CEP350: variants seen among roughly 807,000 people sequenced by gnomAD.
The protein encoded by CEP350 is centrosome-associated protein 350.
Under a neutral mutation model 331.8 loss-of-function variants are expected in CEP350, and 126 were observed. The observed-to-expected ratio is 0.38, with a 90% CI of 0.33 to 0.44. The LOEUF (loss-of-function observed/expected upper bound fraction) is 0.44, where lower values mean the gene tolerates loss of function less well. Among genes scored for constraint, CEP350 ranks in the 20% least tolerant of loss-of-function variants. The probability of loss-of-function intolerance (pLI) is 1.00; values close to 1 mark genes in which losing one functional copy is unlikely to be tolerated. For missense variants in CEP350, 3,406 were observed against 3,634.6 expected (o/e 0.94, Z 1.62); for synonymous variants, 1,200 against 1,259.5 (o/e 0.95, Z 1.00).
chr1:179,960,644 A>C (rs1650538268), intron 1 of CEP350, among the ~76,000 whole-genome samples: 1 of 152,078 alleles, frequency 6.6e-6, no homozygotes, highest in Non-Finnish European at 1.5e-5. Context: ...CTGTGATAAA[A>C]AGCAAGTACT....
chr1:179,992,431 A>G (rs1412489760), intron 5 of CEP350, among the ~76,000 whole-genome samples: 1 of 152,200 alleles, frequency 6.6e-6, no homozygotes, highest in Non-Finnish European at 1.5e-5. Context: ...TCTTCTGCAG[A>G]TAAATATTCG....
At chr1:180,052,749 T>C (rs989789042) in intron 22 of CEP350, among the ~76,000 whole-genome samples, 8 of 152,170 alleles carry the variant, frequency 5.3e-5, no homozygotes, top group Non-Finnish European at 1.2e-4. Context: ...TTTTGCAACA[T>C]TAATCTTTAT....
Position 179,996,816 on chromosome 1 carries a change from G to T in CEP350, c.659G>T (p.Arg220Ile), listed in dbSNP as rs1653487346. 6.2e-7 allele frequency: 1 copy of T among 1,613,518 alleles called. No individual in the cohort carries two copies. The highest frequency in any genetic ancestry group is 8.5e-7 in the Non-Finnish European group (1 of 1,179,680). Residue 220 changes from arginine to isoleucine, a missense_variant, in exon 6 of 38, where the codon AGA (arginine) becomes ATA (isoleucine). Arg to Ile is a moderately conservative substitution (Grantham distance 97). Around this residue, in one of 5 missense-constraint regions of CEP350, gnomAD observed 1,857 missense variants for 1,909.2 expected, o/e 0.97. Coordinates refer to ENST00000367607, the MANE Select transcript of CEP350 (RefSeq NM_014810.5). ...TTGATTAGGATGGGAGCTTCTATGAGAACTGAGGAAGAAATGCCTAACAGA... is the reference window on the plus strand; with the variant it reads ...TTGATTAGGATGGGAGCTTCTATGATAACTGAGGAAGAAATGCCTAACAGA... Reference protein sequence around the residue: ...ECLIRMGASMRTEEEMPNRTK... With the variant: ...ECLIRMGASMITEEEMPNRTK...
chr1:180,041,645 A>G lies in CEP350; in HGVS notation c.4222-17A>G. ...GATTAAAACATAACTTCTTTTTTAAACCCCTTTTATTTAAAGGTCCATGCA... is the reference window on the plus strand; with the variant it reads ...GATTAAAACATAACTTCTTTTTTAAGCCCCTTTTATTTAAAGGTCCATGCA... On this transcript the variant is annotated splice_polypyrimidine_tract_variant and intron_variant, in intron 18 of 37. Transcript: ENST00000367607. The G allele has an allele frequency of 1.3e-6, 2 of 1,597,186 alleles. No individual in the cohort carries two copies. The highest frequency in any genetic ancestry group is 1.7e-6 in the Non-Finnish European group (2 of 1,172,978).
chr1:179,958,727 T>TA (rs1650359358), intron 1 of CEP350, among the ~76,000 whole-genome samples: 1 of 152,216 alleles, frequency 6.6e-6, no homozygotes, highest in Admixed American at 6.5e-5. Context: ...AGTTAGGCCC[T>TA]AAATAAGCAT....
chr1:180,095,941 T>G lies in CEP350; in HGVS notation c.8919+11T>G. 6.3e-7 allele frequency: 1 copy of G among 1,587,912 alleles called. No individual in the cohort carries two copies. The highest frequency in any genetic ancestry group is 8.6e-7 in the Non-Finnish European group (1 of 1,168,530). On this transcript the variant is annotated intron_variant, in intron 35 of 37. Transcript: ENST00000367607. ...AGGGTCTACAAACAGGTAGGTGAAATAAAAGGATAATTTTAGTTTTTAAAC... is the reference window on the plus strand; with the variant it reads ...AGGGTCTACAAACAGGTAGGTGAAAGAAAAGGATAATTTTAGTTTTTAAAC...
At chr1:180,046,328 T>G (rs1657117095) in intron 21 of CEP350, among the ~76,000 whole-genome samples, 1 of 152,228 alleles carries the variant, frequency 6.6e-6, no homozygotes, top group Non-Finnish European at 1.5e-5. Context: ...ATAAATGGCA[T>G]CATTACAGTA....
At position 179,954,847 on chromosome 1, in the gene CEP350, C is replaced by T. The variant is rs558469094; in HGVS notation, c.-309C>T. On this transcript the variant is annotated 5_prime_UTR_variant, in exon 1 of 38. It adds an upstream start codon to the 5' untranslated region. Transcript: ENST00000367607. ...GTAATGGCGACTGGGCCGCCCCTGA[C>T]GAAGTGACTCCCGGGCCGGGGAGCG... The T allele has an allele frequency of 1.6e-3, 694 of 430,316 alleles. 2 individuals carry two copies. The highest frequency in any genetic ancestry group is 2.4e-3 in the Non-Finnish European group (584 of 245,782). 26.7% of individuals were successfully genotyped at this position (430,316 alleles called of 1,614,324 possible). A position where few individuals can be genotyped will look rare whatever the true frequency, so the allele number is the denominator to read the frequency against.
chr1:180,039,272 AAGGG>A (rs1338609195), intron 17 of CEP350, among the ~76,000 whole-genome samples: 4 of 17,418 alleles, frequency 2.3e-4, no homozygotes, highest in Non-Finnish European at 5.7e-4. Flanking sequence ...GAAAGGAAGG[AAGGG>A]AGGGAGGGAG....
intron 5 of CEP350, among the ~76,000 whole-genome samples, chr1:179,995,750 C>T (rs1653415689): frequency 6.6e-6 from 1 of 152,170 alleles, no homozygotes; most frequent in South Asian, 2.1e-4. Flanking sequence ...GCCCAGCCTT[C>T]TGTGCTTACT....
At chr1:179,966,761 C>G (rs528934831) in intron 1 of CEP350, among the ~76,000 whole-genome samples, 22 of 152,270 alleles carry the variant, frequency 1.4e-4, no homozygotes, top group African/African-American at 4.8e-4. Context: ...TCTGTTGTAA[C>G]TTCCAAACCT....
chr1:179,999,267 T>G (rs1240050026), intron 6 of CEP350, among the ~76,000 whole-genome samples: 1 of 152,148 alleles, frequency 6.6e-6, no homozygotes, highest in Non-Finnish European at 1.5e-5. Flanking sequence ...TTAAAAACAA[T>G]TTTACAGAAT....
intron 37 of CEP350, among the ~76,000 whole-genome samples, 186 bp downstream of exon 37, chr1:180,099,171 G>C (rs1025718200): frequency 3.9e-5 from 6 of 152,224 alleles, no homozygotes; most frequent in East Asian, 1.9e-4. Flanking sequence ...CTCAGTAGAT[G>C]AACATTTAAC....
At chr1:180,047,141 G>GAATTCC (rs1418231667) in intron 21 of CEP350, among the ~76,000 whole-genome samples, 3 of 152,126 alleles carry the variant, frequency 2.0e-5, no homozygotes, top group Admixed American at 1.3e-4. Flanking sequence ...ACTGATTCTT[G>GAATTCC]AATTCCATAG....
intron 13 of CEP350, 79 bp from the exon 14 acceptor site, chr1:180,024,340 A>G: frequency 7.6e-7 from 1 of 1,319,824 alleles, no homozygotes; most frequent in African/African-American, 1.5e-5. Context: ...TAGTGATTAC[A>G]TAGATTTTTA....
chr1:180,070,404 CGTCACATG>C (rs1658809322), intron 27 of CEP350, among the ~76,000 whole-genome samples: 2 of 152,030 alleles, frequency 1.3e-5, no homozygotes, highest in Non-Finnish European at 2.9e-5. Context: ...TCTCATTTAA[CGTCACATG>C]GTCTAGCAGT....
At chr1:180,003,087 C>G (rs531366221) in intron 6 of CEP350, 87 bp from the exon 7 acceptor site, 3 of 799,444 alleles carry the variant, frequency 3.8e-6, no homozygotes, top group Middle Eastern at 2.3e-4. Flanking sequence ...TTATGTATGT[C>G]GATTATATAT....
Position 179,983,719 on chromosome 1 carries a change from T to C in CEP350, c.-13-2450T>C, listed in dbSNP as rs574577359. Among the ~76,000 whole-genome samples the C allele has an allele frequency of 7.4e-4, 113 of 152,350 alleles. 1 individual carries two copies. Among genetic ancestry groups the C allele is most frequent in the African/African-American group, 2.7e-3 (111 of 41,582 alleles). On this transcript the variant is annotated intron_variant, in intron 1 of 37. Transcript: ENST00000367607. ...AAATTGGTGTTTTTAATATTCAACATACCGTACTGCCTCTGCATACAACTA... is the reference window on the plus strand; with the variant it reads ...AAATTGGTGTTTTTAATATTCAACACACCGTACTGCCTCTGCATACAACTA...
At chr1:180,077,110 A>G (rs1659267950) in intron 28 of CEP350, among the ~76,000 whole-genome samples, 1 of 152,224 alleles carries the variant, frequency 6.6e-6, no homozygotes, top group Non-Finnish European at 1.5e-5. Context: ...TAATAAAACT[A>G]TACACATAGG....
Sources: gnomAD v4.1 joint callset for allele counts (sites outside exome capture counted in the v4.1 genomes callset) on GRCh38, gnomAD v4.1.1 for gene constraint, gnomAD v4.1.1 regional missense constraint, MANE v1.5 for transcripts, NCBI Gene and HGNC (gene_info 2026-07-23, HGNC 2026-07-21) for gene names.